Variants in WWOX observed in about 807,000 individuals in gnomAD.
WWOX encodes WW domain containing oxidoreductase.
In WWOX, 69 loss-of-function variants were observed where a neutral mutation model predicts 46.2. The ratio of observed to expected loss-of-function variants is 1.49; its 90% CI spans 1.23 to 1.82. The LOEUF (loss-of-function observed/expected upper bound fraction) is 1.82. WWOX is among the 40% of genes most tolerant of loss of function. The probability of loss-of-function intolerance (pLI) is 0.00; values close to 1 mark genes in which losing one functional copy is unlikely to be tolerated. For synonymous variants in WWOX, 359 were observed against 202.6 expected (o/e 1.77, Z -6.56); for missense variants, 919 against 542.6 (o/e 1.69, Z -6.89).
At chr16:78,585,582 G>C (rs572879436) in intron 8 of WWOX, among the ~76,000 whole-genome samples, 4 of 152,042 alleles carry the variant, frequency 2.6e-5, no homozygotes, top group African/African-American at 7.2e-5. Context: ...GGCTCCACCA[G>C]GACCTCTTGA....
intron 7 of WWOX, among the ~76,000 whole-genome samples, chr16:78,426,246 A>G (rs2083075386): frequency 6.6e-6 from 1 of 152,278 alleles, no homozygotes; most frequent in Admixed American, 6.5e-5. Context: ...TTAAGGGGCG[A>G]GGGAGGCTAC....
Position 78,146,706 on chromosome 16 carries a change from C to T in WWOX, c.410-17477C>T, listed in dbSNP as rs558846599. On this transcript the variant is annotated intron_variant, in intron 4 of 8. Coordinates refer to ENST00000566780, the MANE Select transcript of WWOX (RefSeq NM_016373.4). ...CAAGCTCAGATGGCTTCTCAGATAG[C>T]GTAAAAAGTGATGGAGAATTTCTTT... Among the ~76,000 whole-genome samples, 174 of 152,230 alleles carry T rather than the reference C, an allele frequency of 1.1e-3. 2 individuals carry two copies. Among genetic ancestry groups the T allele is most frequent in the African/African-American group, 4.0e-3 (166 of 41,538 alleles).
chr16:78,780,477 A>G (rs999131640), intron 8 of WWOX: 1 of 152,240 alleles, frequency 6.6e-6, no homozygotes, highest in Non-Finnish European at 1.5e-5. Flanking sequence ...ACTTAACAGG[A>G]CTTCCGTGAT....
At chr16:78,171,822 A>G (rs2151743795) in intron 5 of WWOX, among the ~76,000 whole-genome samples, 1 of 152,312 alleles carries the variant, frequency 6.6e-6, no homozygotes, top group South Asian at 2.1e-4. Flanking sequence ...GCTCAAGTCA[A>G]TAAGCGCATG....
At chr16:78,651,573 T>C (rs1261661132) in intron 8 of WWOX, among the ~76,000 whole-genome samples, 1 of 152,210 alleles carries the variant, frequency 6.6e-6, no homozygotes, top group Non-Finnish European at 1.5e-5. Flanking sequence ...CCTTTACCTG[T>C]TCCATGCTTA....
chr16:78,771,902 A>G (rs1321976565), intron 8 of WWOX, among the ~76,000 whole-genome samples: 2 of 152,242 alleles, frequency 1.3e-5, no homozygotes, highest in Non-Finnish European at 2.9e-5. Context: ...TTTGTGTTAC[A>G]TACATTGTAC....
intron 8 of WWOX, among the ~76,000 whole-genome samples, chr16:79,069,985 C>A (rs1325475484): frequency 2.0e-5 from 3 of 152,160 alleles, no homozygotes; most frequent in Admixed American, 6.5e-5. Context: ...AGTATTCAAG[C>A]ATTTAGAATT....
At chr16:79,088,059 C>T (rs988375499) in intron 8 of WWOX, among the ~76,000 whole-genome samples, 33 of 152,132 alleles carry the variant, frequency 2.2e-4, no homozygotes, top group African/African-American at 7.5e-4. Context: ...TGGTCTTGGC[C>T]TCTTTGAGCC....
chr16:78,222,094 A>G (rs2036907112), intron 5 of WWOX, among the ~76,000 whole-genome samples: 1 of 152,158 alleles, frequency 6.6e-6, no homozygotes, highest in Admixed American at 6.5e-5. Flanking sequence ...GCACTGGTAT[A>G]TGGAGGATGT....
chr16:78,593,739 AGAGAG>A (rs1567667228), intron 8 of WWOX, among the ~76,000 whole-genome samples: 662 of 3,454 alleles, frequency 0.19, 8 homozygotes, highest in African/African-American at 0.25. Flanking sequence ...AAAAAAAAAG[AGAGAG>A]AGAGAGAGAG....
intron 8 of WWOX, among the ~76,000 whole-genome samples, chr16:78,636,356 C>T (rs1412933525): frequency 6.6e-6 from 1 of 152,080 alleles, no homozygotes; most frequent in African/African-American, 2.4e-5. Context: ...TTTGGCCTCT[C>T]TGATATATTA....
At chr16:78,636,039 G>A (rs182359843) in intron 8 of WWOX, among the ~76,000 whole-genome samples, 182 of 152,258 alleles carry the variant, frequency 1.2e-3, no homozygotes, top group African/African-American at 4.0e-3. Flanking sequence ...CCTTATGCTC[G>A]CTGCGGAACA....
chr16:78,197,550 T>C (rs2036092536), intron 5 of WWOX, among the ~76,000 whole-genome samples: 1 of 152,232 alleles, frequency 6.6e-6, no homozygotes, highest in African/African-American at 2.4e-5. Context: ...CATGAAACAT[T>C]TCTCCCATCT....
intron 8 of WWOX, among the ~76,000 whole-genome samples, chr16:78,572,822 C>G (rs553241264): frequency 1.3e-5 from 2 of 151,744 alleles, no homozygotes; most frequent in Admixed American, 1.3e-4. Flanking sequence ...GGTGCCATGG[C>G]GAGAGATACA....
rs559944257 is a variant in WWOX, at chr16:78,141,520, C to G, written c.410-22663C>G. ...CTACAAGGGAAAAATAAATGTATTC[C>G]TAGCCAGGCATTTGTGTACAATTTT... On this transcript the variant is annotated intron_variant, in intron 4 of 8. Transcript: ENST00000566780. Among the ~76,000 whole-genome samples, 4 of 148,476 alleles carry G rather than the reference C, an allele frequency of 2.7e-5. No homozygotes were observed. In the South Asian group the frequency reaches 8.6e-4, roughly 32 times the overall value.
At chr16:78,784,420 G>A (rs1298891870) in intron 8 of WWOX, among the ~76,000 whole-genome samples, 1 of 151,932 alleles carries the variant, frequency 6.6e-6, no homozygotes, top group Non-Finnish European at 1.5e-5. Flanking sequence ...CCACCCAGGA[G>A]CCCTTAGGCC....
chr16:78,702,184 G>C (rs1019410660), intron 8 of WWOX, among the ~76,000 whole-genome samples: 1 of 147,086 alleles, frequency 6.8e-6, no homozygotes. Flanking sequence ...GGAGGCCGAG[G>C]CAGGAGAGTC....
At chr16:78,969,003 G>A (rs1298860420) in intron 8 of WWOX, among the ~76,000 whole-genome samples, 1 of 151,988 alleles carries the variant, frequency 6.6e-6, no homozygotes, top group African/African-American at 2.4e-5. Context: ...ATTTCCAGAT[G>A]GACTGCCTGG....
intron 8 of WWOX, among the ~76,000 whole-genome samples, chr16:78,985,105 C>G (rs945365292): frequency 6.6e-6 from 1 of 152,200 alleles, no homozygotes; most frequent in South Asian, 2.1e-4. Context: ...GTAACTGTTT[C>G]CGAACGGATC....
Sources: gnomAD v4.1 joint callset for allele counts (sites outside exome capture counted in the v4.1 genomes callset) on GRCh38, gnomAD v4.1.1 for gene constraint, MANE v1.5 for transcripts, NCBI Gene and HGNC (gene_info 2026-07-23, HGNC 2026-07-21) for gene names.